WDPCP: variants seen among roughly 807,000 people sequenced by gnomAD.
WDPCP encodes WD repeat-containing and planar cell polarity effector protein fritz homolog.
In WDPCP, 71 loss-of-function variants were observed where a neutral mutation model predicts 93.1. That is an observed-to-expected ratio of 0.76 (90% CI 0.63 to 0.93). WDPCP has a LOEUF of 0.93. Among genes scored for constraint, WDPCP ranks in the 40% least tolerant of loss-of-function variants. The pLI is 0.00. For synonymous variants in WDPCP, 315 were observed against 315.0 expected, an observed-to-expected ratio of 1.00 and a Z score of 0.00; for missense variants, 844 against 887.4, an observed-to-expected ratio of 0.95 and a Z score of 0.62.
intron 13 of WDPCP, among the ~76,000 whole-genome samples, chr2:63,304,647 G>A (rs1190608286): frequency 1.3e-5 from 2 of 152,108 alleles, no homozygotes; most frequent in African/African-American, 2.4e-5. Context: ...CAGGGCCCTG[G>A]GTTTCAAGCA....
intron 6 of WDPCP, among the ~76,000 whole-genome samples, chr2:63,459,173 A>G (rs1698836691): frequency 6.6e-6 from 1 of 152,190 alleles, no homozygotes; most frequent in South Asian, 2.1e-4. Context: ...TTTTATGGCT[A>G]AGACCTCAAA....
chr2:63,663,911 T>C (rs1710254979), intron 2 of WDPCP, among the ~76,000 whole-genome samples: 1 of 152,142 alleles, frequency 6.6e-6, no homozygotes, highest in Admixed American at 6.5e-5. Context: ...GTTTGAGAAG[T>C]CAAGAGGGCA....
chr2:63,144,093 T>G (rs547883242), intron 17 of WDPCP, among the ~76,000 whole-genome samples: 1 of 152,278 alleles, frequency 6.6e-6, no homozygotes, highest in Admixed American at 6.5e-5. Context: ...TAAGTTTGGT[T>G]GTTTAACGTA....
intron 17 of WDPCP, among the ~76,000 whole-genome samples, chr2:63,125,897 C>G (rs1458940659): frequency 5.3e-5 from 8 of 151,148 alleles, no homozygotes; most frequent in Non-Finnish European, 7.4e-5. Flanking sequence ...AGGCGTGAGC[C>G]ACCTCGCCAG....
intron 12 of WDPCP, among the ~76,000 whole-genome samples, chr2:63,334,434 C>G (rs1688207915): frequency 6.6e-6 from 1 of 152,062 alleles, no homozygotes; most frequent in South Asian, 2.1e-4. Context: ...TGGTTCGGTC[C>G]AGAAAGGCAG....
intron 3 of WDPCP, chr2:63,606,160 T>C (rs1709524606): frequency 2.4e-6 from 2 of 843,654 alleles, no homozygotes; most frequent in Non-Finnish European, 4.0e-6. Context: ...GGTGGCAAGA[T>C]TGCTTGAGCC....
chr2:63,354,534 C>A (rs1044495410), intron 12 of WDPCP, among the ~76,000 whole-genome samples: 1 of 152,142 alleles, frequency 6.6e-6, no homozygotes, highest in Non-Finnish European at 1.5e-5. Context: ...GAGTCACAAT[C>A]ATTAAGCAAG....
intron 14 of WDPCP, among the ~76,000 whole-genome samples, chr2:63,250,951 C>T (rs146241221): frequency 1.8e-4 from 28 of 152,248 alleles, no homozygotes; most frequent in Non-Finnish European, 3.4e-4. Flanking sequence ...ACTGTAACCT[C>T]ATTTCATTGC....
intron 2 of WDPCP, among the ~76,000 whole-genome samples, chr2:63,733,528 G>A (rs113567335): frequency 0.016 from 2,482 of 152,170 alleles, 22 homozygotes; most frequent in African/African-American, 0.017. Flanking sequence ...TATCTCACTG[G>A]AGCATAGCAG....
chr2:63,492,808 G>T (rs200184295), intron 2 of WDPCP, 48 bp downstream of exon 2: 11 of 1,523,024 alleles, frequency 7.2e-6, no homozygotes, highest in Non-Finnish European at 1.0e-5. Flanking sequence ...TATTTATAAT[G>T]GTGTAACATA....
At chr2:63,367,253 T>C (rs1690990431) in intron 12 of WDPCP, among the ~76,000 whole-genome samples, 1 of 151,920 alleles carries the variant, frequency 6.6e-6, no homozygotes, top group African/African-American at 2.4e-5. Context: ...ATTAAAACAA[T>C]TAAAACAACA....
chr2:63,153,569 A>G lies in WDPCP; in HGVS notation c.2084T>C (p.Ile695Thr), dbSNP rs766838916. The G allele has an allele frequency of 2.5e-6, 4 of 1,612,064 alleles. No homozygotes were observed. The highest frequency in any genetic ancestry group is 2.5e-6 in the Non-Finnish European group (3 of 1,178,850). Reference protein sequence around the residue: ...RILNGSSNRQIIDRRNELEKD... With the variant: ...RILNGSSNRQTIDRRNELEKD... Reference sequence around the variant, plus strand: ...TTCAAGTTCATTCCTTCTGTCAATTATTTGTCTGCAGTATATGGGTGTTTT... The same window carrying G: ...TTCAAGTTCATTCCTTCTGTCAATTGTTTGTCTGCAGTATATGGGTGTTTT... The change falls in exon 16 of 18, where the codon ATA (isoleucine) becomes ACA (threonine). Residue 695 changes from isoleucine (I) to threonine (T), a missense_variant. Coordinates refer to ENST00000272321, the MANE Select transcript of WDPCP (RefSeq NM_015910.7).
At chr2:63,361,976 A>T (rs1350174469) in intron 12 of WDPCP, among the ~76,000 whole-genome samples, 2 of 152,130 alleles carry the variant, frequency 1.3e-5, no homozygotes, top group Non-Finnish European at 2.9e-5. Flanking sequence ...TTTTGGAGGT[A>T]CATGTGATAT....
rs1236162131 is a variant in WDPCP at position 63,599,446 on chromosome 2, A to G, written n.488+51213T>C. On this transcript the variant is annotated intron_variant and non_coding_transcript_variant, in intron 3 of 4. Transcript: ENST00000467687. ...TTAAATTAAAAGTAAATTATTATTC[A>G]TTTGTTAGGGAGTCTTTAAATGTAT... 1.6e-5 allele frequency: 11 copies of G among 708,426 alleles called. No homozygotes were observed. The East Asian group carries it at 3.7e-4, about 24-fold the overall frequency. 43.9% of individuals were successfully genotyped at this position (708,426 alleles called of 1,614,324 possible).
At chr2:63,466,371 G>C (rs1386457472) in intron 6 of WDPCP, among the ~76,000 whole-genome samples, 3 of 151,864 alleles carry the variant, frequency 2.0e-5, no homozygotes, top group African/African-American at 7.3e-5. Context: ...TACCTTATGT[G>C]TTTTCTCTAT....
intron 14 of WDPCP, among the ~76,000 whole-genome samples, chr2:63,214,798 CA>C (rs1189074609): frequency 1.3e-5 from 2 of 152,166 alleles, no homozygotes; most frequent in African/African-American, 4.8e-5. Context: ...AATCAATGTG[CA>C]AAAATCACAA....
At chr2:63,342,468 T>A (rs1688913933) in intron 12 of WDPCP, among the ~76,000 whole-genome samples, 1 of 152,228 alleles carries the variant, frequency 6.6e-6, no homozygotes, top group African/African-American at 2.4e-5. Context: ...TACTGCCTTA[T>A]TTTGCAAATT....
chr2:63,447,635 C>G (rs944385954), intron 6 of WDPCP, among the ~76,000 whole-genome samples: 13 of 152,020 alleles, frequency 8.6e-5, no homozygotes, highest in Admixed American at 7.9e-4. Context: ...CTTGATTACT[C>G]ATCTATGTCC....
At chr2:63,247,834 T>C (rs1341433165) in intron 14 of WDPCP, among the ~76,000 whole-genome samples, 1 of 152,114 alleles carries the variant, frequency 6.6e-6, no homozygotes, top group South Asian at 2.1e-4. Context: ...ACATATAGGC[T>C]TTTTGTTACT....
Sources: gnomAD v4.1 joint callset for allele counts (sites outside exome capture counted in the v4.1 genomes callset) on GRCh38, gnomAD v4.1.1 for gene constraint, MANE v1.5 for transcripts, NCBI Gene and HGNC (gene_info 2026-07-23, HGNC 2026-07-21) for gene names.